The following RTN3 variants were observed in gnomAD, a reference collection of about 807,000 sequenced individuals.
RTN3 encodes reticulon-3.
In RTN3, 49 loss-of-function variants were observed where a neutral mutation model predicts 77.8. The ratio of observed to expected loss-of-function variants is 0.63; its 90% CI spans 0.50 to 0.80. The LOEUF (loss-of-function observed/expected upper bound fraction) is 0.80, where lower values mean the gene tolerates loss of function less well. RTN3 is among the 30% of genes least tolerant of loss of function. The pLI is 0.00. For missense variants in RTN3, 1,236 were observed against 1,211.9 expected, an observed-to-expected ratio of 1.02 and a Z score of -0.29; for synonymous variants, 464 against 446.9, an observed-to-expected ratio of 1.04 and a Z score of -0.48.
In RTN3 at chr11:63,720,175, T is replaced by A. The variant is rs2011652003; in HGVS notation, c.1673T>A (p.Leu558Ter). 1 of 1,613,946 alleles carries A rather than the reference T, an allele frequency of 6.2e-7. No homozygotes were observed. Among genetic ancestry groups the A allele is most frequent in the Non-Finnish European group, 8.5e-7 (1 of 1,180,006 alleles). The change falls in exon 3 of 9, where the codon TTG becomes TAG. Residue 558 changes from leucine to a stop codon, truncating the protein, a stop_gained. Transcript: ENST00000377819. LOFTEE classifies it high-confidence loss of function. ...EEKTSKNFEELVSDSELHQDQ... is the reference protein window; with the variant it reads ...EEKTSKNFEE ...AAAACATCTAAAAACTTTGAAGAAT[T>A]GGTCAGTGACTCTGAGCTGCATCAA... is the stretch of plus-strand genomic sequence containing the variant.
chr11:63,717,165 A>G (rs2011464149), intron 2 of RTN3, among the ~76,000 whole-genome samples: 1 of 151,860 alleles, frequency 6.6e-6, no homozygotes, highest in African/African-American at 2.4e-5. Flanking sequence ...CCCTCTCTCA[A>G]ATACAAACAA....
chr11:63,754,991 C>T (rs1172567416), intron 7 of RTN3, among the ~76,000 whole-genome samples: 1 of 147,736 alleles, frequency 6.8e-6, no homozygotes, highest in African/African-American at 2.5e-5. Flanking sequence ...ACTTTAAACT[C>T]TAGGTTATTC....
chr11:63,708,452 C>G (rs1942600582), intron 2 of RTN3, among the ~76,000 whole-genome samples: 1 of 152,126 alleles, frequency 6.6e-6, no homozygotes, highest in African/African-American at 2.4e-5. Context: ...GCATGAGCCA[C>G]CATACCTGGC....
chr11:63,722,547 A>G (rs2011897226), intron 3 of RTN3, among the ~76,000 whole-genome samples: 1 of 152,210 alleles, frequency 6.6e-6, no homozygotes. Flanking sequence ...GTACTGGATA[A>G]TTATTTGTTG....
chr11:63,741,950 C>T (rs1359985930), intron 3 of RTN3, among the ~76,000 whole-genome samples: 5 of 149,816 alleles, frequency 3.3e-5, no homozygotes, highest in Non-Finnish European at 5.9e-5. Context: ...AATCTTCTAA[C>T]TTTATTTTTC....
In RTN3 at chr11:63,759,000, C is replaced by G. The variant is rs969382879; in HGVS notation, c.*799C>G. The stretch of plus-strand genomic sequence containing the variant: ...CCCGAATGTGCTTTCCTCCCTCTCC[C>G]CTGCCCACCTCAAGTTTAATAAATA... On this transcript the variant is annotated 3_prime_UTR_variant, in exon 9 of 9. Transcript: ENST00000377819. The G allele has an allele frequency of 1.3e-5, 2 of 152,242 alleles. No individual in the cohort carries two copies. The highest frequency in any genetic ancestry group is 4.8e-5 in the African/African-American group (2 of 41,458). The allele number at this position is 152,242 out of a possible 1,614,324, so 9.4% of individuals were successfully genotyped here.
intron 1 of RTN3, among the ~76,000 whole-genome samples, chr11:63,699,197 A>C (rs1281918456): frequency 6.6e-6 from 1 of 152,092 alleles, no homozygotes; most frequent in Non-Finnish European, 1.5e-5. Context: ...GCTACTCAGC[A>C]GGCTGAGGCA....
Position 63,681,620 on chromosome 11 carries a change from C to G in RTN3, c.-17C>G. 6.3e-7 allele frequency: 1 copy of G among 1,579,506 alleles called. No individual in the cohort carries two copies. The highest frequency in any genetic ancestry group is 8.6e-7 in the Non-Finnish European group (1 of 1,161,046). ...CGTATCTCTTTTCACCCTTCTCCCA[C>G]CCTCGCTCGCGTAGCCATGGCGGAG... On this transcript the variant is annotated 5_prime_UTR_variant, in exon 1 of 9. Transcript: ENST00000377819.
chr11:63,704,029 G>A (rs1942377618), intron 1 of RTN3, among the ~76,000 whole-genome samples: 1 of 151,288 alleles, frequency 6.6e-6, no homozygotes, highest in Non-Finnish European at 1.5e-5. Context: ...TTGAGAAGGA[G>A]TCTCACTCTA....
chr11:63,730,038 C>A (rs544617016), intron 3 of RTN3, among the ~76,000 whole-genome samples: 1 of 152,290 alleles, frequency 6.6e-6, no homozygotes, highest in African/African-American at 2.4e-5. Context: ...GTGATCTCAG[C>A]TCACTGCAAC....
At chr11:63,757,219 TAATA>T (rs2014421138) in intron 8 of RTN3, among the ~76,000 whole-genome samples, 1 of 152,264 alleles carries the variant, frequency 6.6e-6, no homozygotes, top group Non-Finnish European at 1.5e-5. Context: ...TTAAACCAAT[TAATA>T]AATCAGGAAA....
At chr11:63,754,033 T>TA in intron 7 of RTN3, among the ~76,000 whole-genome samples, 1 of 152,354 alleles carries the variant, frequency 6.6e-6, no homozygotes, top group East Asian at 1.9e-4. Flanking sequence ...CTTGTGCCTG[T>TA]AATCCCAGCA....
intron 3 of RTN3, among the ~76,000 whole-genome samples, chr11:63,738,559 C>T (rs2013277504): frequency 2.0e-5 from 3 of 150,794 alleles, no homozygotes. Context: ...GGAGGATCAC[C>T]TGAGCTCGGG....
intron 3 of RTN3, among the ~76,000 whole-genome samples, chr11:63,745,734 T>G (rs1476835152): frequency 6.6e-6 from 1 of 152,218 alleles, no homozygotes; most frequent in Non-Finnish European, 1.5e-5. Flanking sequence ...CTTTGTAGGT[T>G]TGAATATTTC....
chr11:63,733,221 G>A (rs1026423768), intron 3 of RTN3, among the ~76,000 whole-genome samples: 13 of 151,918 alleles, frequency 8.6e-5, no homozygotes, highest in African/African-American at 2.4e-4. Context: ...TGGGAGGACC[G>A]AGGCAGGCAC....
At chr11:63,743,785 G>A (rs2013628824) in intron 3 of RTN3, among the ~76,000 whole-genome samples, 1 of 151,542 alleles carries the variant, frequency 6.6e-6, no homozygotes, top group Non-Finnish European at 1.5e-5. Context: ...GCGTGGTGGT[G>A]CGCGCTTGTA....
chr11:63,694,759 T>G (rs554928570), intron 1 of RTN3, among the ~76,000 whole-genome samples: 6 of 152,286 alleles, frequency 3.9e-5, no homozygotes, highest in Non-Finnish European at 7.4e-5. Flanking sequence ...CGCCCAACCT[T>G]TAACCAATTT....
chr11:63,688,436 A>C (rs1235383005), intron 1 of RTN3, among the ~76,000 whole-genome samples: 1 of 152,064 alleles, frequency 6.6e-6, no homozygotes, highest in East Asian at 1.9e-4. Context: ...GTTAGCCAGG[A>C]TGGTCTTGAT....
chr11:63,759,670 T>C lies in RTN3; in HGVS notation c.*1469T>C, dbSNP rs189594352. 35 of 152,656 alleles carry C rather than the reference T, an allele frequency of 2.3e-4. No homozygotes were observed. The highest frequency in any genetic ancestry group is 6.0e-4 in the African/African-American group (25 of 41,556). 9.5% of individuals were successfully genotyped at this position (152,656 alleles called of 1,614,324 possible). ...AAGTGCCACATCCAGTTCTTTTCTT[T>C]TGTTGCTGCTGTGTTTAGATAATTG... On this transcript the variant is annotated 3_prime_UTR_variant, in exon 9 of 9. Transcript: ENST00000377819.
Sources: allele counts gnomAD v4.1 joint callset (sites outside exome capture counted in the v4.1 genomes callset), GRCh38; gene constraint gnomAD v4.1.1; transcripts MANE v1.5; gene names NCBI Gene and HGNC (gene_info 2026-07-23, HGNC 2026-07-21).